The following DLG2 variants were observed in gnomAD, a reference collection of about 807,000 sequenced individuals.
The protein encoded by DLG2 is discs large MAGUK scaffold protein 2, also known as disks large homolog 2.
DLG2 carries 45 observed loss-of-function variants against 132.5 expected under a neutral mutation model. That is an observed-to-expected ratio of 0.34 (90% CI 0.27 to 0.44). The LOEUF is 0.44. Ranked by LOEUF, DLG2 falls within the 20% of genes least tolerant of loss-of-function variation. The pLI is 1.00. For synonymous variants in DLG2, 424 were observed against 419.6 expected (o/e 1.01, Z -0.13); for missense variants, 1,045 against 1,196.9 (o/e 0.87, Z 1.87).
intron 6 of DLG2, among the ~76,000 whole-genome samples, chr11:84,650,794 T>C (rs1237824308): frequency 2.7e-5 from 4 of 149,572 alleles, no homozygotes; most frequent in Non-Finnish European, 5.9e-5. Flanking sequence ...TTTATTGTGT[T>C]AATATGCTGT....
At chr11:84,958,032 A>AT (rs2051958783) in intron 6 of DLG2, among the ~76,000 whole-genome samples, 2 of 152,192 alleles carry the variant, frequency 1.3e-5, no homozygotes, top group Admixed American at 6.5e-5. Context: ...TGGGATACTA[A>AT]TACCATCCTT....
At chr11:85,589,718 T>G (rs2079190614) in intron 3 of DLG2, among the ~76,000 whole-genome samples, 1 of 152,118 alleles carries the variant, frequency 6.6e-6, no homozygotes, top group South Asian at 2.1e-4. Flanking sequence ...TGAGTTTGTC[T>G]CCAGGCAGCC....
At chr11:83,804,911 A>G (rs904461909) in intron 17 of DLG2, among the ~76,000 whole-genome samples, 9 of 152,112 alleles carry the variant, frequency 5.9e-5, no homozygotes, top group Non-Finnish European at 2.9e-5. Flanking sequence ...AGTCTTGAAC[A>G]TTACCTACAT....
chr11:85,016,876 G>C (rs889378174), intron 6 of DLG2, among the ~76,000 whole-genome samples: 1 of 151,286 alleles, frequency 6.6e-6, no homozygotes, highest in Admixed American at 6.6e-5. Context: ...CACAGCCACA[G>C]CCATCCTCAC....
At chr11:84,096,500 C>G (rs1387775939) in intron 10 of DLG2, among the ~76,000 whole-genome samples, 1 of 152,078 alleles carries the variant, frequency 6.6e-6, no homozygotes, top group Non-Finnish European at 1.5e-5. Flanking sequence ...AATTGTAGAG[C>G]AAACATATAT....
At chr11:83,654,214 A>C (rs2071588894) in intron 18 of DLG2, among the ~76,000 whole-genome samples, 1 of 152,166 alleles carries the variant, frequency 6.6e-6, no homozygotes, top group Non-Finnish European at 1.5e-5. Flanking sequence ...AACCAAGTTA[A>C]AGGATGATTT....
chr11:83,466,529 CATT>C (rs556318090), intron 26 of DLG2, among the ~76,000 whole-genome samples, 176 bp downstream of exon 26: 43 of 152,150 alleles, frequency 2.8e-4, no homozygotes, highest in Non-Finnish European at 5.4e-4. Flanking sequence ...AAATCACTGA[CATT>C]ATGTTTCTAG....
At chr11:84,831,732 C>CT (rs1279078821) in intron 6 of DLG2, among the ~76,000 whole-genome samples, 1 of 151,666 alleles carries the variant, frequency 6.6e-6, no homozygotes, top group Non-Finnish European at 1.5e-5. Context: ...AGCCACGCCC[C>CT]TTCAATATTT....
chr11:85,242,819 A>G (rs556774220), intron 4 of DLG2, among the ~76,000 whole-genome samples: 3 of 151,842 alleles, frequency 2.0e-5, no homozygotes, highest in African/African-American at 7.2e-5. Flanking sequence ...GGTACCTGTA[A>G]TCTATATTTG....
At chr11:84,758,129 C>A (rs868278535) in intron 6 of DLG2, among the ~76,000 whole-genome samples, 1 of 152,190 alleles carries the variant, frequency 6.6e-6, no homozygotes, top group Non-Finnish European at 1.5e-5. Context: ...AGCTCATTGT[C>A]AGTATATTCT....
intron 6 of DLG2, among the ~76,000 whole-genome samples, chr11:84,860,198 C>A (rs1298340220): frequency 6.6e-6 from 1 of 152,120 alleles, no homozygotes; most frequent in Non-Finnish European, 1.5e-5. Flanking sequence ...TAAGCTAGTG[C>A]TAAATGATAC....
chr11:84,304,569 C>A (rs1365708026), intron 7 of DLG2, among the ~76,000 whole-genome samples: 3 of 152,132 alleles, frequency 2.0e-5, no homozygotes, highest in Non-Finnish European at 4.4e-5. Context: ...GACTTTCTAG[C>A]CTTACAGTTT....
At chr11:84,357,975 A>T (rs2098627772) in intron 7 of DLG2, among the ~76,000 whole-genome samples, 1 of 151,982 alleles carries the variant, frequency 6.6e-6, no homozygotes, top group South Asian at 2.1e-4. Flanking sequence ...AAACAGACAA[A>T]AATGAAATAA....
Position 85,062,826 on chromosome 11 carries a change from C to G in DLG2, c.357+48835G>C, listed in dbSNP as rs184379264. On this transcript the variant is annotated intron_variant, in intron 6 of 27. Transcript: ENST00000376104. ...CCAGAAGACTAAAAGAGAGTTAGTA[C>G]TCATCACAACTAGGTTGTGGTTTTT... Among the ~76,000 whole-genome samples, 153 of 151,716 alleles carry G rather than the reference C, an allele frequency of 1.0e-3. 1 individual carries two copies. The highest frequency in any genetic ancestry group is 2.0e-3 in the Non-Finnish European group (138 of 67,814).
chr11:85,110,401 G>A (rs556017103), intron 6 of DLG2, among the ~76,000 whole-genome samples: 2 of 151,982 alleles, frequency 1.3e-5, no homozygotes, highest in Non-Finnish European at 2.9e-5. Context: ...CTGGGCAACA[G>A]AGTAAAACTC....
intron 6 of DLG2, among the ~76,000 whole-genome samples, chr11:84,905,028 A>G (rs1446170844): frequency 2.6e-5 from 4 of 152,052 alleles, no homozygotes; most frequent in Non-Finnish European, 4.4e-5. Flanking sequence ...GGCGTGCACC[A>G]CCATGCCCAG....
chr11:85,328,715 A>T (rs2152836248), intron 3 of DLG2, among the ~76,000 whole-genome samples: 1 of 151,806 alleles, frequency 6.6e-6, no homozygotes, highest in African/African-American at 2.4e-5. Flanking sequence ...AAACCGGCAC[A>T]AGACAAGAAT....
At chr11:85,072,182 T>C (rs964313953) in intron 6 of DLG2, among the ~76,000 whole-genome samples, 1 of 151,952 alleles carries the variant, frequency 6.6e-6, no homozygotes, top group East Asian at 1.9e-4. Flanking sequence ...ATTTTTACAA[T>C]AGGCCATCTT....
intron 7 of DLG2, among the ~76,000 whole-genome samples, chr11:84,291,693 A>G (rs2098001232): frequency 1.3e-5 from 2 of 152,208 alleles, no homozygotes; most frequent in African/African-American, 4.8e-5. Context: ...AAACAAGTCA[A>G]TTTGTTATTA....
Sources: gnomAD v4.1 joint callset for allele counts (sites outside exome capture counted in the v4.1 genomes callset) on GRCh38, gnomAD v4.1.1 for gene constraint, MANE v1.5 for transcripts, NCBI Gene and HGNC (gene_info 2026-07-23, HGNC 2026-07-21) for gene names.